The following KIRREL3 variants were observed in gnomAD, a reference collection of about 807,000 sequenced individuals.
KIRREL3 encodes the protein kin of IRRE-like protein 3.
A neutral mutation model predicts 89.7 loss-of-function variants in KIRREL3; 36 were observed. The observed-to-expected ratio is 0.40, with a 90% CI of 0.31 to 0.53. KIRREL3 has a LOEUF of 0.53. KIRREL3 is among the 20% of genes least tolerant of loss of function. The pLI, the probability that KIRREL3 is intolerant of heterozygous loss-of-function variation, is 0.49. For synonymous variants in KIRREL3, 445 were observed against 441.4 expected (o/e 1.01, Z -0.10); for missense variants, 864 against 1,056.6 (o/e 0.82, Z 2.53).
chr11:126,861,746 C>T (rs1188491380), intron 1 of KIRREL3, among the ~76,000 whole-genome samples: 2 of 152,210 alleles, frequency 1.3e-5, no homozygotes, highest in African/African-American at 2.4e-5. Context: ...AAAAAATCTG[C>T]ATTTAGCTGT....
Position 126,780,520 on chromosome 11 carries a change from T to C in KIRREL3, c.56-217608A>G, listed in dbSNP as rs560648043. The stretch of plus-strand genomic sequence containing the variant: ...AGATTTGCTTGGCTTCTTTGAAAAA[T>C]GAATTTGGGGGCTGAGATTTCTCAT... On this transcript the variant is annotated intron_variant, in intron 1 of 16. Transcript: ENST00000525144. The surrounding 1 kb of genome is among the most constrained non-coding windows in gnomAD (Gnocchi z 5.3). Among the ~76,000 whole-genome samples the C allele has an allele frequency of 1.6e-4, 24 of 152,170 alleles. No homozygotes were observed. In the East Asian group the frequency reaches 4.1e-3, roughly 26 times the overall value.
intron 1 of KIRREL3, among the ~76,000 whole-genome samples, chr11:126,819,101 C>T (rs1208542225): frequency 1.2e-5 from 1 of 83,110 alleles, no homozygotes; most frequent in Non-Finnish European, 2.3e-5. Context: ...GTATCTGGAC[C>T]CCAACCAGCC....
At chr11:126,864,092 G>A (rs552527453) in intron 1 of KIRREL3, among the ~76,000 whole-genome samples, 46 of 152,354 alleles carry the variant, frequency 3.0e-4, no homozygotes, top group African/African-American at 9.9e-4. Flanking sequence ...TGAAGAGAGG[G>A]TCTGACCAGA....
At position 126,610,176 on chromosome 11, in the gene KIRREL3, C is replaced by A. The variant is rs551980626; in HGVS notation, c.56-47264G>T. Among the ~76,000 whole-genome samples the A allele has an allele frequency of 6.6e-6, 1 of 152,176 alleles. No homozygotes were observed. Among genetic ancestry groups the A allele is most frequent in the East Asian group, 1.9e-4 (1 of 5,174 alleles). On this transcript the variant is annotated intron_variant, in intron 1 of 16. Coordinates refer to ENST00000525144, the MANE Select transcript of KIRREL3 (RefSeq NM_032531.4). The surrounding 1 kb of genome is among the most constrained non-coding windows in gnomAD (Gnocchi z 4.6). ...CAAGATCTCGGCTCACTGCAACCTT[C>A]GCCTCCCAGGTTCAAGCGATTCTCC... is the stretch of plus-strand genomic sequence containing the variant.
At chr11:126,961,414 T>G (rs990583553) in intron 1 of KIRREL3, among the ~76,000 whole-genome samples, 2 of 152,254 alleles carry the variant, frequency 1.3e-5, no homozygotes, top group Non-Finnish European at 2.9e-5. Flanking sequence ...ATAGAGAAAC[T>G]TCTGGTGGTC....
Position 126,475,978 on chromosome 11 carries a change from C to G in KIRREL3, c.434-2512G>C, listed in dbSNP as rs891685939. On this transcript the variant is annotated intron_variant, in intron 4 of 16. Coordinates refer to ENST00000525144, the MANE Select transcript of KIRREL3 (RefSeq NM_032531.4). This position sits in a 1 kb window ranked among gnomAD's most constrained non-coding sequence, Gnocchi z 7.5. ...GGCCTGGAAAAAGAGCCACGTGGAG[C>G]CCTGGGGACAGCCTGGATACCTGGG... Among the ~76,000 whole-genome samples, 1 of 152,200 alleles carries G rather than the reference C, an allele frequency of 6.6e-6. No homozygotes were observed. The highest frequency in any genetic ancestry group is 2.4e-5 in the African/African-American group (1 of 41,446).
At chr11:126,596,805 A>T (rs981857701) in intron 1 of KIRREL3, among the ~76,000 whole-genome samples, 1 of 152,206 alleles carries the variant, frequency 6.6e-6, no homozygotes, top group African/African-American at 2.4e-5. Context: ...ATAAGAACTG[A>T]ATCAACCATC....
chr11:127,001,644 T>A (rs1055781569), upstream of KIRREL3, among the ~76,000 whole-genome samples: 8 of 152,130 alleles, frequency 5.3e-5, no homozygotes, highest in African/African-American at 1.9e-4. Context: ...GTCATGAAAT[T>A]CACACTCCAC....
intron 1 of KIRREL3, among the ~76,000 whole-genome samples, chr11:126,849,784 C>G (rs1435738623): frequency 2.0e-5 from 3 of 152,074 alleles, no homozygotes; most frequent in Non-Finnish European, 4.4e-5. Context: ...GTCACAGGTG[C>G]GGCTTTTCCA....
In KIRREL3 at chr11:126,436,954, A is replaced by G. The variant is rs777991044; in HGVS notation, c.1409T>C (p.Val470Ala). 1 of 1,606,762 alleles carries G rather than the reference A, an allele frequency of 6.2e-7. No homozygotes were observed. Among genetic ancestry groups the G allele is most frequent in the Non-Finnish European group, 8.5e-7 (1 of 1,175,908 alleles). ...GCCCTCCTCGGTGCTGATGGTCTCCACCGTATAGCGCCCCGATGTGCCCGA... is the reference window on the plus strand; with the variant it reads ...GCCCTCCTCGGTGCTGATGGTCTCCGCCGTATAGCGCCCCGATGTGCCCGA... ...LESGTSGRYT[V>A]ETISTEEGVI... The change falls in exon 12 of 17, where the codon GTG becomes GCG. Residue 470 changes from valine (V) to alanine (A), a missense_variant. Physicochemically the swap from Val to Ala is moderately conservative, Grantham distance 64. Coordinates refer to ENST00000525144, the MANE Select transcript of KIRREL3 (RefSeq NM_032531.4).
rs1258131982 is a variant in KIRREL3, at chr11:126,501,176, T to C, written c.433+20139A>G. On this transcript the variant is annotated intron_variant, in intron 4 of 16. Transcript: ENST00000525144. This position sits in a 1 kb window ranked among gnomAD's most constrained non-coding sequence, Gnocchi z 5.8. ...ACAGCTGGTCCGTCCCACACTTTTC[T>C]CTGCACGTCTGAGGAGTCCAGGAGG... Among the ~76,000 whole-genome samples, 1 of 152,226 alleles carries C rather than the reference T, an allele frequency of 6.6e-6. No individual in the cohort carries two copies. Among genetic ancestry groups the C allele is most frequent in the Non-Finnish European group, 1.5e-5 (1 of 68,044 alleles).
intron 5 of KIRREL3, among the ~76,000 whole-genome samples, chr11:126,467,640 T>G (rs1175102562): frequency 6.8e-6 from 1 of 146,016 alleles, no homozygotes; most frequent in Non-Finnish European, 1.5e-5. Flanking sequence ...TTTTTTTTTT[T>G]TTTTAAAAAA....
At position 126,653,425 on chromosome 11, in the gene KIRREL3, C is replaced by T. The variant is rs1944989568; in HGVS notation, c.56-90513G>A. 6.6e-6 allele frequency among the ~76,000 whole-genome samples: 1 copy of T among 152,094 alleles called. No homozygotes were observed. Among genetic ancestry groups the T allele is most frequent in the Non-Finnish European group, 1.5e-5 (1 of 68,008 alleles). ...GGGGAATCACTCTCTAGCGCCTCACCGTCTTTGCTGTAAGATGGAGATAAT... is the reference window on the plus strand; with the variant it reads ...GGGGAATCACTCTCTAGCGCCTCACTGTCTTTGCTGTAAGATGGAGATAAT... On this transcript the variant is annotated intron_variant, in intron 1 of 16. Coordinates refer to ENST00000525144, the MANE Select transcript of KIRREL3 (RefSeq NM_032531.4). This position sits in a 1 kb window ranked among gnomAD's most constrained non-coding sequence, Gnocchi z 5.4.
chr11:126,637,728 A>C (rs1372173750), intron 1 of KIRREL3, among the ~76,000 whole-genome samples: 1 of 152,206 alleles, frequency 6.6e-6, no homozygotes, highest in East Asian at 1.9e-4. Context: ...AAAGATAAAA[A>C]TGCAGAGGAG....
chr11:126,800,836 G>A (rs868333259), intron 1 of KIRREL3, among the ~76,000 whole-genome samples: 8 of 152,300 alleles, frequency 5.3e-5, no homozygotes, highest in Middle Eastern at 3.4e-3. Flanking sequence ...TCACTTTTCA[G>A]CGGATTTAGC....
chr11:126,585,073 C>T (rs1941758501), intron 1 of KIRREL3, among the ~76,000 whole-genome samples: 1 of 151,900 alleles, frequency 6.6e-6, no homozygotes, highest in African/African-American at 2.4e-5. Flanking sequence ...GCGCCCGCCA[C>T]CACGCCCGGC....
At chr11:126,675,921 A>C (rs1447863349) in intron 1 of KIRREL3, among the ~76,000 whole-genome samples, 1 of 152,172 alleles carries the variant, frequency 6.6e-6, no homozygotes, top group Admixed American at 6.5e-5. Context: ...TAATAGGCAG[A>C]ATTGAATGAA....
chr11:126,719,480 T>G lies in KIRREL3; in HGVS notation c.56-156568A>C, dbSNP rs1948089226. 6.6e-6 allele frequency among the ~76,000 whole-genome samples: 1 copy of G among 152,176 alleles called. No homozygotes were observed. The highest frequency in any genetic ancestry group is 2.1e-4 in the South Asian group (1 of 4,834). ...CATTCACTGCCTAGGTGATCTTACT[T>G]AGTCCCATGGCTTTCATTCCACCCG... On this transcript the variant is annotated intron_variant, in intron 1 of 16. Coordinates refer to ENST00000525144, the MANE Select transcript of KIRREL3 (RefSeq NM_032531.4). The surrounding 1 kb of genome is among the most constrained non-coding windows in gnomAD (Gnocchi z 4.7).
At chr11:126,799,743 T>C (rs944531943) in intron 1 of KIRREL3, among the ~76,000 whole-genome samples, 3 of 152,256 alleles carry the variant, frequency 2.0e-5, no homozygotes, top group South Asian at 4.2e-4. Context: ...GAAACCCCTC[T>C]GCCCCCAGTT....
Sources: gnomAD v4.1 joint callset for allele counts (sites outside exome capture counted in the v4.1 genomes callset) on GRCh38, gnomAD v4.1.1 for gene constraint, Gnocchi (gnomAD v3.1) non-coding constraint, MANE v1.5 for transcripts, NCBI Gene and HGNC (gene_info 2026-07-23, HGNC 2026-07-21) for gene names.